The following AGL variants were observed in gnomAD, a reference collection of about 807,000 sequenced individuals.
The protein encoded by AGL is glycogen debranching enzyme.
A neutral mutation model predicts 199.3 loss-of-function variants in AGL; 128 were observed. The ratio of observed to expected loss-of-function variants is 0.64; its 90% CI spans 0.56 to 0.74. AGL has a LOEUF of 0.74. AGL is among the 30% of genes least tolerant of loss of function. The pLI is 0.00. For synonymous variants in AGL, 584 were observed against 594.7 expected (o/e 0.98, Z 0.26); for missense variants, 1,809 against 1,820.8 (o/e 0.99, Z 0.12).
intron 25 of AGL, among the ~76,000 whole-genome samples, chr1:99,897,065 T>C (rs1338904811): frequency 6.6e-6 from 1 of 152,212 alleles, no homozygotes; most frequent in East Asian, 1.9e-4. Flanking sequence ...TTTGCCTGCC[T>C]CGGCCTCCCG....
chr1:99,904,166 T>C (rs560850954), intron 27 of AGL, among the ~76,000 whole-genome samples: 1 of 152,208 alleles, frequency 6.6e-6, no homozygotes, highest in African/African-American at 2.4e-5. Flanking sequence ...TAACTTCTCT[T>C]GAGTTCACCA....
At position 99,880,814 on chromosome 1, in the gene AGL, T is replaced by C; in HGVS notation, c.1899+19T>C. ...TATTGTGGTAAGCACCTAATCTTTT[T>C]CATGTACTTATTTTGCTAAATGCTT... is the stretch of plus-strand genomic sequence containing the variant. On this transcript the variant is annotated intron_variant, in intron 14 of 33. Coordinates refer to ENST00000361915, the MANE Select transcript of AGL (RefSeq NM_000642.3). The C allele has an allele frequency of 6.2e-7, 1 of 1,613,378 alleles. No individual in the cohort carries two copies. The highest frequency in any genetic ancestry group is 2.2e-5 in the East Asian group (1 of 44,858).
In AGL at chr1:99,881,436, G is replaced by C; in HGVS notation, c.2146G>C (p.Gly716Arg). The C allele has an allele frequency of 6.2e-7, 1 of 1,614,010 alleles. No homozygotes were observed. Among genetic ancestry groups the C allele is most frequent in the South Asian group, 1.1e-5 (1 of 91,078 alleles). The change falls in exon 16 of 34, where the codon GGT becomes CGT. Residue 716 changes from glycine to arginine, a missense_variant. Coordinates refer to ENST00000361915, the MANE Select transcript of AGL (RefSeq NM_000642.3). ...ACTTCATCAGGAGCTTGGAGCCAAGGGTTTTATTCAGGCAAGAAATAATTA... is the reference window on the plus strand; with the variant it reads ...ACTTCATCAGGAGCTTGGAGCCAAGCGTTTTATTCAGGCAAGAAATAATTA... The part of the protein sequence containing the change: ...SKLHQELGAK[G>R]FIQVYVDQVD...
chr1:99,873,537 C>T (rs934760930), intron 7 of AGL, among the ~76,000 whole-genome samples: 4 of 151,414 alleles, frequency 2.6e-5, no homozygotes, highest in Admixed American at 6.6e-5. Flanking sequence ...TGGGTTCAAG[C>T]GATTCTCCTG....
chr1:99,917,258 A>T (rs113196394), intron 33 of AGL, among the ~76,000 whole-genome samples: 40 of 152,274 alleles, frequency 2.6e-4, no homozygotes, highest in African/African-American at 8.9e-4. Flanking sequence ...TAATTCCTCA[A>T]ATTTTAGATT....
At chr1:99,863,676 C>T (rs1650261311) in intron 4 of AGL, among the ~76,000 whole-genome samples, 1 of 151,310 alleles carries the variant, frequency 6.6e-6, no homozygotes, top group African/African-American at 2.4e-5. Flanking sequence ...GTCTCGATCT[C>T]CTGACCTCAT....
At chr1:99,869,936 G>T (rs1168553903) in intron 5 of AGL, among the ~76,000 whole-genome samples, 1 of 152,136 alleles carries the variant, frequency 6.6e-6, no homozygotes, top group East Asian at 1.9e-4. Flanking sequence ...TTGAGCTACC[G>T]TGCCTGGCCA....
intron 5 of AGL, among the ~76,000 whole-genome samples, chr1:99,869,165 T>TA (rs1406825289): frequency 1.3e-5 from 2 of 152,174 alleles, no homozygotes; most frequent in Non-Finnish European, 2.9e-5. Context: ...TATTTGGACA[T>TA]AAGTTATTAC....
chr1:99,856,896 C>CT (rs1366060271), intron 2 of AGL, among the ~76,000 whole-genome samples: 2 of 152,346 alleles, frequency 1.3e-5, no homozygotes, highest in East Asian at 3.9e-4. Context: ...ACCTCTCCCC[C>CT]TTTTCTATTC....
At chr1:99,884,509 C>A in intron 19 of AGL, 58 bp downstream of exon 19, 1 of 1,600,130 alleles carries the variant, frequency 6.2e-7, no homozygotes, top group Non-Finnish European at 8.6e-7. Context: ...GTTTGCATAT[C>A]CTGTTAAATT....
At chr1:99,892,845 A>G (rs902886307) in intron 24 of AGL, among the ~76,000 whole-genome samples, 3 of 147,958 alleles carry the variant, frequency 2.0e-5, no homozygotes, top group South Asian at 2.2e-4. Context: ...TCATGTTTCT[A>G]TTTTTTCCAA....
chr1:99,896,798 T>G (rs1180778892), intron 25 of AGL, among the ~76,000 whole-genome samples: 1 of 152,128 alleles, frequency 6.6e-6, no homozygotes, highest in Non-Finnish European at 1.5e-5. Context: ...AAAATGGTTT[T>G]TTTTGTTTTT....
Position 99,921,535 on chromosome 1 carries a change from T to G in AGL, c.4483T>G (p.Ser1495Ala). ...TAAAATGTCTTTTCTTTCATTCAGA[T>G]CCCCTTGGAAAGGACTTCCAGAACT... ...LSRHYVHLER[S>A]PWKGLPELTN... The change falls in exon 34 of 34, where the codon TCC becomes GCC. Residue 1495 changes from serine to alanine, a missense_variant and splice_region_variant. Coordinates refer to ENST00000361915, the MANE Select transcript of AGL (RefSeq NM_000642.3). 6.2e-7 allele frequency: 1 copy of G among 1,600,146 alleles called. No individual in the cohort carries two copies. Among genetic ancestry groups the G allele is most frequent in the Non-Finnish European group, 8.6e-7 (1 of 1,167,718 alleles).
chr1:99,850,681 T>C (rs1571205518), intron 1 of AGL: 1 of 265,272 alleles, frequency 3.8e-6, no homozygotes, highest in Middle Eastern at 1.4e-3. Flanking sequence ...AATGTCCCCC[T>C]GACTTCAGGC....
intron 2 of AGL, among the ~76,000 whole-genome samples, chr1:99,856,379 C>T (rs997589989): frequency 3.1e-5 from 4 of 127,044 alleles, no homozygotes; most frequent in Non-Finnish European, 5.1e-5. Flanking sequence ...TTCCTCCCTT[C>T]CTCCCTCCCT....
chr1:99,898,826 T>C (rs952894780), intron 25 of AGL, among the ~76,000 whole-genome samples: 29 of 152,172 alleles, frequency 1.9e-4, no homozygotes, highest in African/African-American at 6.3e-4. Flanking sequence ...TTGTGAATTG[T>C]AGGAAATTCG....
intron 24 of AGL, among the ~76,000 whole-genome samples, chr1:99,893,972 A>G (rs1004284384): frequency 6.6e-6 from 1 of 151,984 alleles, no homozygotes; most frequent in Non-Finnish European, 1.5e-5. Flanking sequence ...CGTTTGGGGC[A>G]GGGAGTTCAA....
intron 17 of AGL, 141 bp from the exon 18 acceptor site, chr1:99,883,979 C>A: frequency 1.5e-6 from 1 of 679,580 alleles, no homozygotes; most frequent in Non-Finnish European, 2.5e-6. Flanking sequence ...TGGGTAGAAT[C>A]ATCTACTTTC....
chr1:99,921,469 G>A (rs1265398433), intron 33 of AGL, 65 bp from the exon 34 acceptor site: 1 of 1,154,030 alleles, frequency 8.7e-7, no homozygotes, highest in African/African-American at 1.5e-5. Flanking sequence ...AAATCACCAG[G>A]TCTTGCCTAT....
Sources: allele counts gnomAD v4.1 joint callset (sites outside exome capture counted in the v4.1 genomes callset), GRCh38; gene constraint gnomAD v4.1.1; transcripts MANE v1.5; gene names NCBI Gene and HGNC (gene_info 2026-07-23, HGNC 2026-07-21).